Variants in ARHGEF1 observed in about 807,000 individuals in gnomAD.
ARHGEF1 encodes the protein 115 kDa guanine nucleotide exchange factor.
ARHGEF1 carries 40 observed loss-of-function variants against 119.7 expected under a neutral mutation model. The observed-to-expected ratio is 0.33, with a 90% CI of 0.26 to 0.44. The LOEUF (loss-of-function observed/expected upper bound fraction) is 0.44, where lower values mean the gene tolerates loss of function less well. Among genes scored for constraint, ARHGEF1 ranks in the 20% least tolerant of loss-of-function variants. The pLI is 1.00. For missense variants in ARHGEF1, 976 were observed against 1,268.3 expected, an observed-to-expected ratio of 0.77 and a Z score of 3.50; for synonymous variants, 494 against 521.0, an observed-to-expected ratio of 0.95 and a Z score of 0.71.
chr19:41,924,673 C>T (rs111252786), intron 1 of ARHGEF1, among the ~76,000 whole-genome samples: 1 of 152,116 alleles, frequency 6.6e-6, no homozygotes, highest in African/African-American at 2.4e-5. Flanking sequence ...CAGATAACCT[C>T]GGACTTAAGA....
intron 1 of ARHGEF1, chr19:41,928,397 G>C (rs35009020): frequency 0.32 from 48,546 of 152,818 alleles, 9,170 homozygotes; most frequent in Non-Finnish European, 0.42. Flanking sequence ...CAGCGAGCGC[G>C]GGCGGGCGCG....
intron 18 of ARHGEF1, among the ~76,000 whole-genome samples, chr19:41,915,258 C>A (rs2074793885): frequency 6.7e-6 from 1 of 150,334 alleles, no homozygotes; most frequent in African/African-American, 2.5e-5. Flanking sequence ...GCGCTCCGGG[C>A]CCTGCTCCCA....
In ARHGEF1 at chr19:41,903,482, C is replaced by A; in HGVS notation, c.1839+75C>A. ...GGGGGTGGACCCTACCTCAGCCTGT[C>A]CAGAAGTCACACCCCACCCCTTGGC... On this transcript the variant is annotated intron_variant, in intron 19 of 28. Coordinates refer to ENST00000354532, the MANE Select transcript of ARHGEF1 (RefSeq NM_004706.4). The surrounding 1 kb of genome is among the most constrained non-coding windows in gnomAD (Gnocchi z 4.2). 1 of 1,413,680 alleles carries A rather than the reference C, an allele frequency of 7.1e-7. No individual in the cohort carries two copies. Among genetic ancestry groups the A allele is most frequent in the Non-Finnish European group, 9.9e-7 (1 of 1,011,604 alleles). 87.6% of individuals were successfully genotyped at this position (1,413,680 alleles called of 1,614,324 possible).
Position 41,906,225 on chromosome 19 carries a change from T to G in ARHGEF1, c.2491+200T>G, listed in dbSNP as rs575023374. 6.0e-6 allele frequency: 4 copies of G among 662,946 alleles called. No individual in the cohort carries two copies. The highest frequency in any genetic ancestry group is 1.0e-5 in the Non-Finnish European group (4 of 385,054). The allele number at this position is 662,946 out of a possible 1,614,324, so 41.1% of individuals were successfully genotyped here. On this transcript the variant is annotated intron_variant, in intron 26 of 28. Transcript: ENST00000354532. The surrounding 1 kb of genome is among the most constrained non-coding windows in gnomAD (Gnocchi z 4.5). ...CCACCATCCCTTGCTTGATTCTATA[T>G]TTAGCCTCTTCCTGAACACATCTCT...
rs1357900566 is a variant in ARHGEF1 at position 41,883,650 on chromosome 19, T to G, written c.-20+361T>G. On this transcript the variant is annotated intron_variant, in intron 1 of 28. Transcript: ENST00000354532. This position sits in a 1 kb window ranked among gnomAD's most constrained non-coding sequence, Gnocchi z 7.6. The stretch of plus-strand genomic sequence containing the variant: ...CGCACATCGTGAGAAAGTGTGGAGT[T>G]GGGATTTGAACTCGCACGTGCTTTC... Among the ~76,000 whole-genome samples, 1 of 151,954 alleles carries G rather than the reference T, an allele frequency of 6.6e-6. No homozygotes were observed. Among genetic ancestry groups the G allele is most frequent in the African/African-American group, 2.4e-5 (1 of 41,360 alleles).
In ARHGEF1 at chr19:41,903,731, C is replaced by T; in HGVS notation, c.1864C>T (p.Leu622=). 6.2e-7 allele frequency: 1 copy of T among 1,613,172 alleles called. No homozygotes were observed. The highest frequency in any genetic ancestry group is 8.5e-7 in the Non-Finnish European group (1 of 1,180,008). The change falls in exon 20 of 29, where the codon CTG becomes TTG. Residue 622 remains leucine (L), a synonymous_variant. Transcript: ENST00000354532. The surrounding 1 kb of genome is among the most constrained non-coding windows in gnomAD (Gnocchi z 4.2). ...LLRLKDYQRR[L]DLSHLRQSSD... is the part of the protein sequence containing the mutation. ...GAGGCTCAAGGACTATCAGCGGCGC[C>T]TGGACTTGTCCCACCTTCGGCAGAG...
Position 41,888,411 on chromosome 19 carries a change from C to G in ARHGEF1, c.111+133C>G. 2.3e-6 allele frequency: 2 copies of G among 859,520 alleles called. No homozygotes were observed. The highest frequency in any genetic ancestry group is 3.0e-4 in the Middle Eastern group (1 of 3,318). The allele number at this position is 859,520 out of a possible 1,614,324, so 53.2% of individuals were successfully genotyped here. On this transcript the variant is annotated intron_variant, in intron 3 of 28. Coordinates refer to ENST00000354532, the MANE Select transcript of ARHGEF1 (RefSeq NM_004706.4). The surrounding 1 kb of genome is among the most constrained non-coding windows in gnomAD (Gnocchi z 5.1). The stretch of plus-strand genomic sequence containing the variant: ...TCATCCTCTCATCTCCCTGGTACCT[C>G]CTTCCTCACCTCGCCGACCCCACAC...
In ARHGEF1 at chr19:41,917,011, T is replaced by C. The variant is rs568940086; in HGVS notation, c.1866-6081T>C. 6.6e-6 allele frequency among the ~76,000 whole-genome samples: 1 copy of C among 151,028 alleles called. No homozygotes were observed. Among genetic ancestry groups the C allele is most frequent in the African/African-American group, 2.4e-5 (1 of 41,048 alleles). On this transcript the variant is annotated intron_variant, in intron 18 of 20. Coordinates refer to the ARHGEF1 transcript ENST00000599589. The surrounding 1 kb of genome is among the most constrained non-coding windows in gnomAD (Gnocchi z 4.8). ...CTTCCCAAGCATGTCTCTGCATGGG[T>C]GTGTGTGTGTGTGTGCACATATGTG... is the stretch of plus-strand genomic sequence containing the variant.
intron 11 of ARHGEF1, 32 bp downstream of exon 11, chr19:41,894,693 G>A (rs1398529407): frequency 3.7e-6 from 6 of 1,612,864 alleles, no homozygotes; most frequent in Admixed American, 1.7e-5. Context: ...CATCCATACT[G>A]GGGGCCTGTG....
intron 18 of ARHGEF1, among the ~76,000 whole-genome samples, chr19:41,913,839 C>T (rs1326211318): frequency 1.3e-5 from 2 of 151,334 alleles, no homozygotes; most frequent in East Asian, 2.0e-4. Context: ...CTCTCACACC[C>T]CTCCGCAGAC....
chr19:41,908,506 G>A, downstream of ARHGEF1: 3 of 1,231,724 alleles, frequency 2.4e-6, no homozygotes, highest in Non-Finnish European at 3.0e-6. This position sits in a 1 kb window ranked among gnomAD's most constrained non-coding sequence, Gnocchi z 6.7. Flanking sequence ...GACGAGGGCA[G>A]GTGGCCCAGG....
In ARHGEF1 at chr19:41,883,287, C is replaced by A; in HGVS notation, c.-22C>A. The A allele has an allele frequency of 5.4e-6, 1 of 184,574 alleles. No individual in the cohort carries two copies. The highest frequency in any genetic ancestry group is 1.2e-5 in the Non-Finnish European group (1 of 82,066). 11.4% of individuals were successfully genotyped at this position (184,574 alleles called of 1,614,324 possible). ...CCGCCGGTCACCTCCGCGCGGACAC[C>A]AGGTACTCGGTCCCCGGCCCCGCCC... On this transcript the variant is annotated splice_region_variant and 5_prime_UTR_variant, in exon 1 of 29. Transcript: ENST00000354532. The surrounding 1 kb of genome is among the most constrained non-coding windows in gnomAD (Gnocchi z 7.6).
In ARHGEF1 at chr19:41,904,211, C is replaced by T. The variant is rs782796215; in HGVS notation, c.1994-5C>T. 5.1e-5 allele frequency: 83 copies of T among 1,613,332 alleles called. No individual in the cohort carries two copies. Among genetic ancestry groups the T allele is most frequent in the Admixed American group, 3.5e-4 (21 of 59,962 alleles). On this transcript the variant is annotated splice_region_variant and splice_polypyrimidine_tract_variant and intron_variant, in intron 21 of 28. Transcript: ENST00000354532. The surrounding 1 kb of genome is among the most constrained non-coding windows in gnomAD (Gnocchi z 8.4). ...CACGCCGTGTGAGCACTGCTCGCCC[C>T]GTAGAGGTGCATGTGCTGCTGCTGG...
chr19:41,896,334 C>G, intron 12 of ARHGEF1, 43 bp from the exon 13 acceptor site: 1 of 1,061,872 alleles, frequency 9.4e-7, no homozygotes, highest in Non-Finnish European at 1.2e-6. Context: ...GGTCTCGTGG[C>G]CGCAGAGGCC....
Position 41,902,853 on chromosome 19 carries a change from C to T in ARHGEF1, c.1693C>T (p.Leu565=), listed in dbSNP as rs1555849331. 3.1e-6 allele frequency: 5 copies of T among 1,613,116 alleles called. No homozygotes were observed. Among genetic ancestry groups the T allele is most frequent in the Non-Finnish European group, 4.2e-6 (5 of 1,179,972 alleles). The change falls in exon 18 of 29, where the codon CTG becomes TTG. Residue 565 remains leucine (L), a synonymous_variant. Transcript: ENST00000354532. The surrounding 1 kb of genome is among the most constrained non-coding windows in gnomAD (Gnocchi z 6.5). ...KDMIPTEMQR[L]TKYPLLLQSI... is the part of the protein sequence containing the mutation. Reference sequence around the variant, plus strand: ...CATGATCCCCACGGAGATGCAGCGGCTGACCAAGTACCCCCTGCTCCTGCA... The same window carrying T: ...CATGATCCCCACGGAGATGCAGCGGTTGACCAAGTACCCCCTGCTCCTGCA...
rs782652719 is a variant in ARHGEF1 at position 41,906,438 on chromosome 19, C to T, written c.2492-19C>T. 7 of 1,537,554 alleles carry T rather than the reference C, an allele frequency of 4.6e-6. No individual in the cohort carries two copies. The highest frequency in any genetic ancestry group is 5.2e-6 in the Non-Finnish European group (6 of 1,147,546). ...AGCCCCCTGGTCTCCTGACTCCACC[C>T]CTCCTTGCCCCTGGCCAGTGCTGTC... On this transcript the variant is annotated intron_variant, in intron 26 of 28. Coordinates refer to ENST00000354532, the MANE Select transcript of ARHGEF1 (RefSeq NM_004706.4). This position sits in a 1 kb window ranked among gnomAD's most constrained non-coding sequence, Gnocchi z 4.5.
At chr19:41,919,377 C>T (rs563548540), upstream of ARHGEF1, among the ~76,000 whole-genome samples, 16 of 152,288 alleles carry the variant, frequency 1.1e-4, no homozygotes, top group African/African-American at 3.9e-4. Context: ...CAAACATACA[C>T]AATCAAACAT....
In ARHGEF1 at chr19:41,917,954, G is replaced by A. The variant is rs1407731462; in HGVS notation, c.1866-5138G>A. On this transcript the variant is annotated intron_variant, in intron 18 of 20. Coordinates refer to the ARHGEF1 transcript ENST00000599589. This position sits in a 1 kb window ranked among gnomAD's most constrained non-coding sequence, Gnocchi z 4.8. Reference sequence around the variant, plus strand: ...TGTGTGTGTGCTCACACACCTGTCCGTCCAGACTATAGCCACGTCCATGTG... The same window carrying A: ...TGTGTGTGTGCTCACACACCTGTCCATCCAGACTATAGCCACGTCCATGTG... 1.3e-5 allele frequency among the ~76,000 whole-genome samples: 2 copies of A among 151,810 alleles called. No homozygotes were observed. The highest frequency in any genetic ancestry group is 3.9e-4 in the East Asian group (2 of 5,166).
At chr19:41,887,181 G>A (rs782492746) in intron 1 of ARHGEF1, among the ~76,000 whole-genome samples, 2 of 152,172 alleles carry the variant, frequency 1.3e-5, no homozygotes, top group Admixed American at 6.5e-5. Context: ...GGGTGTCACC[G>A]CTGAGAGGGA....
Sources: allele counts gnomAD v4.1 joint callset (sites outside exome capture counted in the v4.1 genomes callset), GRCh38; gene constraint gnomAD v4.1.1; non-coding constraint Gnocchi (gnomAD v3.1); transcripts MANE v1.5; gene names NCBI Gene and HGNC (gene_info 2026-07-23, HGNC 2026-07-21).